Variants in ZNF208 observed in about 807,000 individuals in gnomAD.
The protein encoded by ZNF208 is zinc finger protein 95.
A neutral mutation model predicts 12.1 loss-of-function variants in ZNF208; 10 were observed. That is an observed-to-expected ratio of 0.83 (90% confidence interval 0.51 to 1.40). The LOEUF (loss-of-function observed/expected upper bound fraction) is 1.40. ZNF208 is among the 40% of genes most tolerant of loss of function. The pLI is 0.00. For synonymous variants in ZNF208, 497 were observed against 488.4 expected (o/e 1.02, Z -0.23); for missense variants, 1,652 against 1,485.0 (o/e 1.11, Z -1.85).
In ZNF208 at chr19:21,954,093, C is replaced by A. The variant is rs1200203655; in HGVS notation, c.305+20636G>T. 3.3e-5 allele frequency among the ~76,000 whole-genome samples: 5 copies of A among 152,146 alleles called. No individual in the cohort carries two copies. In the East Asian group the frequency reaches 9.6e-4, roughly 29 times the overall value. On this transcript the variant is annotated intron_variant, in intron 4 of 4. Transcript: ENST00000599916. The stretch of plus-strand genomic sequence containing the variant: ...ATTTCTGCCTTCATTTCATTATTTA[C>A]CCAGTAGTCATTCAGGAGCAGCTTG...
intron 1 of ZNF208, chr19:21,991,636 A>G (rs1970736417): frequency 6.7e-6 from 1 of 150,234 alleles, no homozygotes; most frequent in South Asian, 2.1e-4. Context: ...GCTACTCAGG[A>G]GGCTGAGGCA....
At chr19:21,977,165 T>A (rs1024584378) in intron 3 of ZNF208, among the ~76,000 whole-genome samples, 1 of 152,146 alleles carries the variant, frequency 6.6e-6, no homozygotes, top group Non-Finnish European at 1.5e-5. Context: ...CACATTAGGA[T>A]TACAAATACA....
Position 21,972,669 on chromosome 19 carries a change from A to G in ZNF208, c.2365T>C (p.Ser789Pro). 6.2e-7 allele frequency: 1 copy of G among 1,612,450 alleles called. No individual in the cohort carries two copies. Among genetic ancestry groups the G allele is most frequent in the Non-Finnish European group, 8.5e-7 (1 of 1,179,732 alleles). ...CTCTTATGTTTAATAAGGATTGCAG[A>G]TCGGTTAAAAGCTTTGCCACATTCT... The part of the protein sequence containing the change: ...CEECGKAFNR[S>P]AILIKHKRIH... The change falls in exon 4 of 4, where the codon TCT becomes CCT. Residue 789 changes from serine (S) to proline (P), a missense_variant. This residue lies in a region of ZNF208 where 1,239 missense variants were observed against 1,086.2 expected (regional missense o/e 1.14). Coordinates refer to ENST00000397126, the MANE Select transcript of ZNF208 (RefSeq NM_007153.3).
intron 4 of ZNF208, among the ~76,000 whole-genome samples, chr19:21,943,029 C>T (rs574436397): frequency 7.9e-5 from 12 of 152,186 alleles, no homozygotes; most frequent in Admixed American, 3.3e-4. Flanking sequence ...TAACTCGAAA[C>T]GTAATATATC....
In ZNF208 at chr19:21,968,357, CTTA is replaced by C. The variant is rs1365494302; in HGVS notation, c.*2831_*2833del. 1 of 151,970 alleles carries C rather than the reference CTTA, an allele frequency of 6.6e-6. No homozygotes were observed. The highest frequency in any genetic ancestry group is 1.5e-5 in the Non-Finnish European group (1 of 67,968). The allele number at this position is 151,970 out of a possible 1,614,324, so 9.4% of individuals were successfully genotyped here. A position where few individuals can be genotyped will look rare whatever the true frequency, so the allele number is the denominator to read the frequency against. On this transcript the variant is annotated 3_prime_UTR_variant, in exon 4 of 4. Transcript: ENST00000397126. ...GGCTAAGGATTTGTCATAGATGACT[CTTA>C]TTAAGATATTTTCATCAATGTCCAG...
chr19:21,957,721 ATAGT>A (rs1459539380), intron 4 of ZNF208, among the ~76,000 whole-genome samples: 2 of 152,216 alleles, frequency 1.3e-5, no homozygotes, highest in Admixed American at 6.5e-5. Context: ...CTGTGGAGAG[ATAGT>A]TACTCTTGCT....
chr19:21,972,411 T>C lies in ZNF208; in HGVS notation c.2623A>G (p.Thr875Ala), dbSNP rs1175741051. Residue 875 changes from threonine to alanine, a missense_variant, in exon 4 of 4, where the codon ACC (threonine) becomes GCC (alanine). Transcript: ENST00000397126. ...ECGKAYKWPS[T>A]LSYHKKIHTG... ...TGAATTTTCTTATGATAACTAAGGG[T>C]TGAGGGCCATTTATAGGCTTTGCCA... The C allele has an allele frequency of 6.2e-7, 1 of 1,611,918 alleles. No homozygotes were observed. Among genetic ancestry groups the C allele is most frequent in the Non-Finnish European group, 8.5e-7 (1 of 1,179,190 alleles).
chr19:21,973,846 G>T lies in ZNF208; in HGVS notation c.1188C>A (p.Pro396=). 2 of 1,613,450 alleles carry T rather than the reference G, an allele frequency of 1.2e-6. No individual in the cohort carries two copies. Residue 396 remains proline, a synonymous_variant, in exon 4 of 4, where the codon CCC becomes CCA. Transcript: ENST00000397126. ...CTTTGCCACATTCTTCACATTTGTAGGGTTTCTCTCCAGTATGAATTTTCT... is the reference window on the plus strand; with the variant it reads ...CTTTGCCACATTCTTCACATTTGTATGGTTTCTCTCCAGTATGAATTTTCT... ...YHKKIHTGEK[P]YKCEECGKGF...
intron 4 of ZNF208, among the ~76,000 whole-genome samples, chr19:21,960,907 C>T (rs1237332980): frequency 6.6e-6 from 1 of 152,082 alleles, no homozygotes; most frequent in African/African-American, 2.4e-5. Context: ...AGAAAGCAAC[C>T]CTATTCAGTG....
downstream of ZNF208, among the ~76,000 whole-genome samples, chr19:21,964,406 C>G (rs1189631731): frequency 7.9e-5 from 12 of 151,612 alleles, no homozygotes; most frequent in East Asian, 2.3e-3. Context: ...GAGTAAAATT[C>G]TCTCTAAATT....
rs190937794 is a variant in ZNF208 at position 21,972,177 on chromosome 19, C to T, written c.2857G>A (p.Ala953Thr). The change falls in exon 4 of 4, where the codon GCC becomes ACC. Residue 953 changes from alanine (A) to threonine (T), a missense_variant. By Grantham distance (58) the Ala-to-Thr change is moderately conservative. This residue lies in a region of ZNF208 where 1,239 missense variants were observed against 1,086.2 expected (regional missense o/e 1.14). Transcript: ENST00000397126. ...KFYKCEACGK[A>T]YKSSSTLSYH... is the part of the protein sequence containing the mutation. ...CTAAGGGTTGAGGATGACTTATAGG[C>T]TTTGCCACATGCTTCACATTTGTAG... The T allele has an allele frequency of 6.8e-5, 110 of 1,608,202 alleles. 1 individual carries two copies. The Admixed American group carries it at 7.9e-4, about 12-fold the overall frequency.
chr19:21,991,714 T>G (rs1970739203), intron 1 of ZNF208: 2 of 132,290 alleles, frequency 1.5e-5, no homozygotes, highest in Admixed American at 1.8e-4. Flanking sequence ...CACTCCAGCT[T>G]GGGCAACAAG....
At chr19:21,953,408 C>G (rs539305043) in intron 4 of ZNF208, among the ~76,000 whole-genome samples, 10 of 82,556 alleles carry the variant, frequency 1.2e-4, no homozygotes, top group African/African-American at 6.3e-4. Flanking sequence ...TTACGGGTAG[C>G]CAGAAAGGTC....
chr19:21,987,065 T>C (rs1027170045), intron 3 of ZNF208, 151 bp downstream of exon 3: 7 of 714,772 alleles, frequency 9.8e-6, no homozygotes, highest in African/African-American at 7.4e-5. Context: ...AAGATGCCCC[T>C]GTGTGAGAGA....
chr19:22,002,908 A>C (rs1240717073), intron 1 of ZNF208, among the ~76,000 whole-genome samples: 4 of 152,216 alleles, frequency 2.6e-5, no homozygotes, highest in Non-Finnish European at 4.4e-5. Flanking sequence ...ATAAGCAAAA[A>C]CAACAAAGCT....
At chr19:21,962,752 G>C (rs919789680), downstream of ZNF208, among the ~76,000 whole-genome samples, 1 of 152,020 alleles carries the variant, frequency 6.6e-6, no homozygotes, top group Non-Finnish European at 1.5e-5. Flanking sequence ...CTTTTCAAAA[G>C]CTAATGTATT....
At chr19:21,989,279 T>G (rs1970685026) in intron 1 of ZNF208, among the ~76,000 whole-genome samples, 1 of 124,136 alleles carries the variant, frequency 8.1e-6, no homozygotes, top group African/African-American at 3.1e-5. Context: ...GATGTTCCCC[T>G]TCCGGTGTCC....
Position 21,994,954 on chromosome 19 carries a change from C to CT in ZNF208, c.4-6046dup, listed in dbSNP as rs71178799. Among the ~76,000 whole-genome samples, 132 of 144,696 alleles carry CT rather than the reference C, an allele frequency of 9.1e-4. No homozygotes were observed. In the South Asian group the frequency reaches 0.014, roughly 15 times the overall value. 94.9% of individuals were successfully genotyped at this position (144,696 alleles called of 152,430 possible). ...ATGACTGCTTATCTGTTTTTCTTTT[C>CT]TTTTTTTTTTTTTTTGAGACTGAGT... On this transcript the variant is annotated intron_variant, in intron 1 of 3. Coordinates refer to ENST00000397126, the MANE Select transcript of ZNF208 (RefSeq NM_007153.3).
At chr19:21,965,951 A>C (rs1599609061), downstream of ZNF208, 1 of 152,108 alleles carries the variant, frequency 6.6e-6, no homozygotes, top group Non-Finnish European at 1.5e-5. Context: ...TTTGGGCTAT[A>C]GACTAAGAAA....
Sources: gnomAD v4.1 joint callset for allele counts (sites outside exome capture counted in the v4.1 genomes callset) on GRCh38, gnomAD v4.1.1 for gene constraint, gnomAD v4.1.1 regional missense constraint, MANE v1.5 for transcripts, NCBI Gene and HGNC (gene_info 2026-07-23, HGNC 2026-07-21) for gene names.